The following ANO1 variants were observed in gnomAD, a reference collection of about 807,000 sequenced individuals.
ANO1 encodes anoctamin 1.
ANO1 carries 59 observed loss-of-function variants against 124.0 expected under a neutral mutation model. The ratio of observed to expected loss-of-function variants is 0.48; its 90% CI spans 0.39 to 0.59. The LOEUF is 0.59. Ranked by LOEUF, ANO1 falls within the 20% of genes least tolerant of loss-of-function variation. The pLI is 0.00. For synonymous variants in ANO1, 529 were observed against 532.0 expected (o/e 0.99, Z 0.08); for missense variants, 1,059 against 1,328.0 (o/e 0.80, Z 3.15).
intron 7 of ANO1, among the ~76,000 whole-genome samples, chr11:70,114,669 C>T (rs2045910748): frequency 6.6e-6 from 1 of 152,156 alleles, no homozygotes; most frequent in Admixed American, 6.5e-5. Flanking sequence ...GAGGCCAAGA[C>T]GGGTAGATCA....
At chr11:70,016,604 G>T (rs975449794) in intron 1 of ANO1, among the ~76,000 whole-genome samples, 5 of 152,188 alleles carry the variant, frequency 3.3e-5, no homozygotes, top group Non-Finnish European at 7.3e-5. Context: ...GCTCCGCTCT[G>T]CCACCGTCAG....
chr11:70,146,984 C>A (rs528937020), intron 11 of ANO1, among the ~76,000 whole-genome samples: 47 of 152,196 alleles, frequency 3.1e-4, no homozygotes, highest in Non-Finnish European at 5.6e-4. Flanking sequence ...AAATGTTAAT[C>A]TCCTGTAGCA....
At chr11:70,166,343 C>T (rs1244155170) in intron 20 of ANO1, among the ~76,000 whole-genome samples, 2 of 152,174 alleles carry the variant, frequency 1.3e-5, no homozygotes, top group East Asian at 1.9e-4. Context: ...TAATAAAAAA[C>T]ATTAAAAAAT....
intron 8 of ANO1, among the ~76,000 whole-genome samples, chr11:70,117,461 A>G (rs929097638): frequency 1.3e-5 from 2 of 151,744 alleles, no homozygotes; most frequent in African/African-American, 4.8e-5. Context: ...GAGCATGGGA[A>G]CTCCACCCTT....
chr11:70,187,839 G>A lies in ANO1; in HGVS notation c.2796G>A (p.Glu932=). The stretch of plus-strand genomic sequence containing the variant: ...ACAAGGAGAAGGTGCTCATGGTGGA[G>A]CTGTTCATGCGGGAGGAGCAAGACA... ...QIHKEKVLMV[E]LFMREEQDKQ... The change falls in exon 26 of 26, where the codon GAG becomes GAA. Residue 932 remains glutamate (E), a synonymous_variant. Transcript: ENST00000355303. The A allele has an allele frequency of 6.2e-7, 1 of 1,608,962 alleles. No homozygotes were observed.
intron 11 of ANO1, among the ~76,000 whole-genome samples, chr11:70,139,160 C>CT (rs1362240205): frequency 3.9e-5 from 6 of 152,060 alleles, no homozygotes; most frequent in Non-Finnish European, 8.8e-5. Flanking sequence ...ACCACATATT[C>CT]TTTTTTATTT....
chr11:69,981,780 A>G (rs1554996244), upstream of ANO1, among the ~76,000 whole-genome samples: 1 of 152,268 alleles, frequency 6.6e-6, no homozygotes, highest in South Asian at 2.1e-4. Context: ...CCCTTTGGAA[A>G]CAGTCCAAAT....
intron 1 of ANO1, among the ~76,000 whole-genome samples, chr11:70,067,113 A>G (rs1591070785): frequency 6.6e-6 from 1 of 152,162 alleles, no homozygotes; most frequent in Non-Finnish European, 1.5e-5. Context: ...TCAAGCAGTC[A>G]TGAAGGGCCC....
At chr11:70,010,575 A>G (rs1555000946) in intron 1 of ANO1, among the ~76,000 whole-genome samples, 1 of 152,108 alleles carries the variant, frequency 6.6e-6, no homozygotes, top group African/African-American at 2.4e-5. Context: ...TCCTAGGCAG[A>G]TGAGGGGCTC....
chr11:70,000,325 G>C (rs1256958795), intron 1 of ANO1, among the ~76,000 whole-genome samples: 1 of 152,030 alleles, frequency 6.6e-6, no homozygotes, highest in Non-Finnish European at 1.5e-5. Context: ...ATGGGCCGGG[G>C]GGGGATGCAC....
In ANO1 at chr11:70,111,300, T is replaced by C. The variant is rs1264830603; in HGVS notation, c.800-407T>C. On this transcript the variant is annotated intron_variant, in intron 6 of 25. Coordinates refer to ENST00000355303, the MANE Select transcript of ANO1 (RefSeq NM_018043.7). ...TTTCCATCCGTATATTTCCTCATGA[T>C]TCAGCTTCTCTAACCACTTACAATC... 4 of 472,744 alleles carry C rather than the reference T, an allele frequency of 8.5e-6. No homozygotes were observed. The East Asian group carries it at 2.2e-4, about 26-fold the overall frequency. The allele number at this position is 472,744 out of a possible 1,614,324, so 29.3% of individuals were successfully genotyped here. A position where few individuals can be genotyped will look rare whatever the true frequency, so the allele number is the denominator to read the frequency against.
chr11:70,096,200 GGTTTGCAGC>G (rs1172301855), intron 2 of ANO1, among the ~76,000 whole-genome samples: 6 of 152,214 alleles, frequency 3.9e-5, no homozygotes, highest in African/African-American at 1.4e-4. Flanking sequence ...TGTCCAGAAA[GGTTTGCAGC>G]GTTATAGATG....
rs4980741 is a variant in ANO1, at chr11:70,022,381, G to T, written c.58+36215G>T. 0.019 allele frequency among the ~76,000 whole-genome samples: 2,897 copies of T among 152,150 alleles called. 195 individuals carry two copies. In the East Asian group the frequency reaches 0.22, roughly 11 times the overall value. On this transcript the variant is annotated intron_variant, in intron 1 of 27. Coordinates refer to the ANO1 transcript ENST00000531349. ...TGGGAGGCCGAGGCAAGTGGATCAC[G>T]TGAGGTCAGGAGTTCAAGACCAACC...
rs3831391 is a variant in ANO1, at chr11:70,161,967, G to GTGGGGACCCCAGGCAT, written c.1892+236_1892+237insGGGACCCCAGGCATTG. Among the ~76,000 whole-genome samples the GTGGGGACCCCAGGCAT allele has an allele frequency of 1.9e-3, 282 of 152,136 alleles. 1 individual carries two copies. The highest frequency in any genetic ancestry group is 0.013 in the East Asian group (67 of 5,130). The stretch of plus-strand genomic sequence containing the variant: ...ACCCAGGCAGTGGGGACCCCAGGCA[G>GTGGGGACCCCAGGCAT]TGAGGACCGGGGAGTGAGGACCCGG... On this transcript the variant is annotated intron_variant, in intron 18 of 25. Transcript: ENST00000355303.
chr11:69,997,010 G>A (rs1856282631), intron 1 of ANO1, among the ~76,000 whole-genome samples: 1 of 152,142 alleles, frequency 6.6e-6, no homozygotes, highest in African/African-American at 2.4e-5. Context: ...CCTTAATGTG[G>A]AACAGTGGGG....
intron 11 of ANO1, among the ~76,000 whole-genome samples, chr11:70,145,718 C>T (rs1039985334): frequency 2.0e-5 from 3 of 152,198 alleles, no homozygotes; most frequent in Non-Finnish European, 2.9e-5. Context: ...AGGCAGATCA[C>T]GTGAGGCCAG....
At chr11:70,142,385 T>G (rs2135577798) in intron 11 of ANO1, among the ~76,000 whole-genome samples, 1 of 152,280 alleles carries the variant, frequency 6.6e-6, no homozygotes, top group Non-Finnish European at 1.5e-5. Context: ...GGGGATGCAC[T>G]GTGATCGTCT....
intron 1 of ANO1, among the ~76,000 whole-genome samples, chr11:70,007,948 C>T (rs947432241): frequency 6.6e-5 from 10 of 152,110 alleles, no homozygotes; most frequent in African/African-American, 2.4e-4. Context: ...TTAATAGCGG[C>T]CATCCCAGTG....
Position 70,187,818 on chromosome 11 carries a change from G to A in ANO1, c.2775G>A (p.Lys925=), listed in dbSNP as rs1323310440. 1.2e-6 allele frequency: 2 copies of A among 1,609,516 alleles called. No individual in the cohort carries two copies. The highest frequency in any genetic ancestry group is 8.5e-7 in the Non-Finnish European group (1 of 1,178,154). The change falls in exon 26 of 26, where the codon AAG becomes AAA. Residue 925 remains lysine (K), a synonymous_variant. Coordinates refer to ENST00000355303, the MANE Select transcript of ANO1 (RefSeq NM_018043.7). ...AGGACATCAGCCAGCAGATCCACAA[G>A]GAGAAGGTGCTCATGGTGGAGCTGT... is the stretch of plus-strand genomic sequence containing the variant. ...IPKDISQQIH[K]EKVLMVELFM...
Sources: allele counts gnomAD v4.1 joint callset (sites outside exome capture counted in the v4.1 genomes callset), GRCh38; gene constraint gnomAD v4.1.1; transcripts MANE v1.5; gene names NCBI Gene and HGNC (gene_info 2026-07-23, HGNC 2026-07-21).